PARD3B: variants seen among roughly 807,000 people sequenced by gnomAD.
The protein encoded by PARD3B is par-3 family cell polarity regulator beta.
PARD3B carries 103 observed loss-of-function variants against 130.2 expected under a neutral mutation model. The observed-to-expected ratio is 0.79, with a 90% CI of 0.67 to 0.93. The LOEUF is 0.93. Among genes scored for constraint, PARD3B ranks in the 40% least tolerant of loss-of-function variants. The pLI is 0.00. For missense variants in PARD3B, 1,609 were observed against 1,499.2 expected (o/e 1.07, Z -1.21); for synonymous variants, 583 against 553.2 (o/e 1.05, Z -0.76).
At chr2:204,621,138 A>C (rs898485646) in intron 1 of PARD3B, among the ~76,000 whole-genome samples, 18 of 152,190 alleles carry the variant, frequency 1.2e-4, no homozygotes, top group African/African-American at 3.9e-4. Flanking sequence ...ATCTTAGTAG[A>C]TGGATTACAA....
In PARD3B at chr2:204,623,274, T is replaced by TA. The variant is rs2034366778; in HGVS notation, c.121-62902dup. On this transcript the variant is annotated intron_variant, in intron 1 of 22. Coordinates refer to ENST00000406610, the MANE Select transcript of PARD3B (RefSeq NM_001302769.2). This position sits in a 1 kb window ranked among gnomAD's most constrained non-coding sequence, Gnocchi z 4.5. ...CTATAGGACAATATCAAAACCAGCA[T>TA]AAAAATCAGAATATTGGCATCTGTA... Among the ~76,000 whole-genome samples, 1 of 152,128 alleles carries TA rather than the reference T, an allele frequency of 6.6e-6. No homozygotes were observed. Among genetic ancestry groups the TA allele is most frequent in the Admixed American group, 6.6e-5 (1 of 15,258 alleles).
At chr2:205,216,226 T>A (rs2037901849) in intron 15 of PARD3B, among the ~76,000 whole-genome samples, 1 of 152,168 alleles carries the variant, frequency 6.6e-6, no homozygotes, top group South Asian at 2.1e-4. Flanking sequence ...ATAGGTACCA[T>A]AGGCTAGGCC....
chr2:205,547,852 T>C, intron 21 of PARD3B, among the ~76,000 whole-genome samples: 1 of 152,170 alleles, frequency 6.6e-6, no homozygotes, highest in East Asian at 1.9e-4. Context: ...ACTTAAATCA[T>C]GCCAGTACAT....
intron 1 of PARD3B, among the ~76,000 whole-genome samples, chr2:204,619,888 C>T (rs527246131): frequency 1.3e-5 from 2 of 152,246 alleles, no homozygotes; most frequent in Admixed American, 6.5e-5. Context: ...CTGGGTACTC[C>T]GTGTGAGTGG....
intron 1 of PARD3B, among the ~76,000 whole-genome samples, chr2:204,643,174 C>G (rs1220184162): frequency 7.0e-6 from 1 of 142,770 alleles, no homozygotes; most frequent in Admixed American, 7.6e-5. Flanking sequence ...CTCTCCTGCT[C>G]CACCATGTAA....
intron 3 of PARD3B, among the ~76,000 whole-genome samples, chr2:205,029,363 G>T (rs1007686825): frequency 1.4e-4 from 21 of 152,092 alleles, no homozygotes; most frequent in African/African-American, 4.8e-4. Flanking sequence ...TTTGTGCCTA[G>T]TACTTACCAC....
At chr2:205,163,550 G>A (rs976973372) in intron 11 of PARD3B, among the ~76,000 whole-genome samples, 6 of 152,154 alleles carry the variant, frequency 3.9e-5, no homozygotes, top group African/African-American at 1.4e-4. Context: ...GCAAAAGAAA[G>A]AATTTGGACC....
intron 10 of PARD3B, among the ~76,000 whole-genome samples, chr2:205,136,171 A>G (rs1197448457): frequency 1.3e-5 from 2 of 152,092 alleles, no homozygotes; most frequent in African/African-American, 4.8e-5. Context: ...CAAAAAAAGG[A>G]TTGTTTAACG....
chr2:205,053,264 A>G (rs1699357695), intron 4 of PARD3B, among the ~76,000 whole-genome samples: 1 of 152,084 alleles, frequency 6.6e-6, no homozygotes, highest in African/African-American at 2.4e-5. Context: ...AGAAATTCAA[A>G]TAGCTTGATT....
At chr2:205,112,096 C>G (rs1321231680) in intron 5 of PARD3B, among the ~76,000 whole-genome samples, 1 of 151,994 alleles carries the variant, frequency 6.6e-6, no homozygotes, top group Non-Finnish European at 1.5e-5. Flanking sequence ...TATATTATCA[C>G]TCTAAGATTT....
In PARD3B at chr2:205,178,232, A is replaced by T. The variant is rs1250955839; in HGVS notation, c.1924+1655A>T. 2.0e-5 allele frequency among the ~76,000 whole-genome samples: 3 copies of T among 148,846 alleles called. No homozygotes were observed. In the East Asian group the frequency reaches 5.8e-4, roughly 29 times the overall value. The stretch of plus-strand genomic sequence containing the variant: ...AATCCCAGCTACTATGGGGGGGGAA[A>T]AAAAAAAGAAGAAGCTGACTTTACT... On this transcript the variant is annotated intron_variant, in intron 13 of 22. Coordinates refer to ENST00000406610, the MANE Select transcript of PARD3B (RefSeq NM_001302769.2).
intron 2 of PARD3B, among the ~76,000 whole-genome samples, chr2:204,851,354 C>A (rs1443125615): frequency 1.3e-5 from 2 of 152,128 alleles, no homozygotes; most frequent in Non-Finnish European, 2.9e-5. Context: ...ATCATGCTAA[C>A]CAAAGTGACT....
At chr2:204,873,897 C>G (rs1575182933) in intron 2 of PARD3B, among the ~76,000 whole-genome samples, 1 of 152,218 alleles carries the variant, frequency 6.6e-6, no homozygotes, top group Non-Finnish European at 1.5e-5. Context: ...AATCCCAGCA[C>G]TTTGGGAGGC....
rs186548150 is a variant in PARD3B at position 204,790,249 on chromosome 2, T to C, written c.222+103967T>C. ...TTTTCTACCAGCTCTTTATCTCTGG[T>C]TGTTTGTTTTGCAGTTAAAAACAAG... On this transcript the variant is annotated intron_variant, in intron 2 of 22. Coordinates refer to ENST00000406610, the MANE Select transcript of PARD3B (RefSeq NM_001302769.2). 2.1e-3 allele frequency among the ~76,000 whole-genome samples: 315 copies of C among 152,294 alleles called. 1 individual carries two copies. Among genetic ancestry groups the C allele is most frequent in the Non-Finnish European group, 3.6e-3 (243 of 68,026 alleles).
chr2:205,384,524 A>G (rs937167938), intron 18 of PARD3B, among the ~76,000 whole-genome samples: 1 of 152,124 alleles, frequency 6.6e-6, no homozygotes, highest in South Asian at 2.1e-4. Context: ...ACTTATGGTC[A>G]GTCCTAAAAG....
At chr2:205,543,474 C>A (rs76672670) in intron 21 of PARD3B, among the ~76,000 whole-genome samples, 1 of 152,162 alleles carries the variant, frequency 6.6e-6, no homozygotes, top group Non-Finnish European at 1.5e-5. Flanking sequence ...GCATCACCAC[C>A]ATGGGTTCAT....
chr2:205,470,137 A>T lies in PARD3B; in HGVS notation c.3044+29465A>T, dbSNP rs547362784. Among the ~76,000 whole-genome samples the T allele has an allele frequency of 6.6e-6, 1 of 152,088 alleles. No individual in the cohort carries two copies. Among genetic ancestry groups the T allele is most frequent in the South Asian group, 2.1e-4 (1 of 4,812 alleles). On this transcript the variant is annotated intron_variant, in intron 20 of 22. Transcript: ENST00000406610. The surrounding 1 kb of genome is among the most constrained non-coding windows in gnomAD (Gnocchi z 4.8). Reference sequence around the variant, plus strand: ...CAGGGTGGAACTAAGTGATCTCAGCATTTTTTTTCCAGTTCCAAAATTATA... The same window carrying T: ...CAGGGTGGAACTAAGTGATCTCAGCTTTTTTTTTCCAGTTCCAAAATTATA...
chr2:204,803,745 C>T (rs987751014), intron 2 of PARD3B, among the ~76,000 whole-genome samples: 1 of 151,932 alleles, frequency 6.6e-6, no homozygotes, highest in Non-Finnish European at 1.5e-5. Context: ...AAATATACTT[C>T]CAGAGAAAAC....
intron 16 of PARD3B, among the ~76,000 whole-genome samples, chr2:205,262,800 C>T (rs113250656): frequency 2.1e-4 from 32 of 152,194 alleles, no homozygotes; most frequent in African/African-American, 7.7e-4. Context: ...TACAGCAACA[C>T]CTGCAAAGAG....
Sources: gnomAD v4.1 joint callset for allele counts (sites outside exome capture counted in the v4.1 genomes callset) on GRCh38, gnomAD v4.1.1 for gene constraint, Gnocchi (gnomAD v3.1) non-coding constraint, MANE v1.5 for transcripts, NCBI Gene and HGNC (gene_info 2026-07-23, HGNC 2026-07-21) for gene names.